Variants in EFR3A observed in about 807,000 individuals in gnomAD.
EFR3A encodes the protein EFR3 homolog A, also known as protein EFR3 homolog A.
EFR3A carries 76 observed loss-of-function variants against 104.4 expected under a neutral mutation model. The ratio of observed to expected loss-of-function variants is 0.73; its 90% CI spans 0.60 to 0.88. EFR3A has a LOEUF of 0.88. EFR3A is among the 40% of genes least tolerant of loss of function. The pLI, the probability that EFR3A is intolerant of heterozygous loss-of-function variation, is 0.00. For synonymous variants in EFR3A, 330 were observed against 330.0 expected (o/e 1.00, Z 0.00); for missense variants, 985 against 1,012.5 (o/e 0.97, Z 0.37).
Position 132,013,502 on chromosome 8 carries a change from TAA to T in EFR3A, c.*2609_*2610del, listed in dbSNP as rs1393667948. 13 of 152,638 alleles carry T rather than the reference TAA, an allele frequency of 8.5e-5. No homozygotes were observed. The East Asian group carries it at 2.1e-3, about 25-fold the overall frequency. 9.5% of individuals were successfully genotyped at this position (152,638 alleles called of 1,614,324 possible). ...GTGCTTATATCTGTATTAAATGCAA[TAA>T]AGTTAGTTTTTGAAATGTAAAAATT... On this transcript the variant is annotated 3_prime_UTR_variant, in exon 23 of 23. Coordinates refer to ENST00000254624, the MANE Select transcript of EFR3A (RefSeq NM_015137.6).
chr8:131,914,308 C>T (rs1816651368), intron 1 of EFR3A, among the ~76,000 whole-genome samples: 1 of 152,224 alleles, frequency 6.6e-6, no homozygotes, highest in African/African-American at 2.4e-5. Flanking sequence ...GTCATGACCC[C>T]TTTTCCCTTG....
chr8:131,967,534 A>C (rs1006299170), intron 8 of EFR3A, among the ~76,000 whole-genome samples: 4 of 151,196 alleles, frequency 2.6e-5, no homozygotes, highest in African/African-American at 9.7e-5. Flanking sequence ...CATGGGTGTA[A>C]GTGTAGGTTT....
chr8:131,923,506 T>C (rs1184924603), intron 1 of EFR3A, among the ~76,000 whole-genome samples: 1 of 151,460 alleles, frequency 6.6e-6, no homozygotes, highest in African/African-American at 2.4e-5. Flanking sequence ...CAGGGTGTTT[T>C]TTTTTTTTTT....
At chr8:131,956,146 T>C (rs1222167394) in intron 7 of EFR3A, among the ~76,000 whole-genome samples, 1 of 152,190 alleles carries the variant, frequency 6.6e-6, no homozygotes, top group African/African-American at 2.4e-5. Context: ...ATCATGTGCA[T>C]TAACTTGAAT....
chr8:131,976,381 C>T (rs1820327843), intron 11 of EFR3A, among the ~76,000 whole-genome samples: 1 of 151,996 alleles, frequency 6.6e-6, no homozygotes, highest in Non-Finnish European at 1.5e-5. Flanking sequence ...AATTGTTTGG[C>T]CTGGACATTG....
intron 18 of EFR3A, among the ~76,000 whole-genome samples, chr8:131,993,609 G>A (rs963172092): frequency 6.6e-6 from 1 of 151,834 alleles, no homozygotes; most frequent in African/African-American, 2.4e-5. Context: ...GAAAGATGGA[G>A]CATAGGCTGG....
intron 22 of EFR3A, among the ~76,000 whole-genome samples, chr8:132,005,908 A>G (rs939476928): frequency 3.3e-5 from 5 of 152,208 alleles, no homozygotes; most frequent in Non-Finnish European, 1.5e-5. Context: ...ATGTTAAGAC[A>G]TCATATTGAG....
intron 1 of EFR3A, among the ~76,000 whole-genome samples, chr8:131,932,380 A>T (rs1817652475): frequency 6.6e-6 from 1 of 152,142 alleles, no homozygotes; most frequent in Admixed American, 6.6e-5. Flanking sequence ...ATATAACAAA[A>T]GCAGTTTTCA....
chr8:132,000,876 A>G (rs1821752972), intron 19 of EFR3A: 1 of 152,154 alleles, frequency 6.6e-6, no homozygotes, highest in Non-Finnish European at 1.5e-5. Flanking sequence ...TTCCAGCTAA[A>G]GCCTTTGTAT....
At chr8:131,994,589 CTA>C (rs201087596) in intron 18 of EFR3A, among the ~76,000 whole-genome samples, 3,434 of 152,150 alleles carry the variant, frequency 0.023, 59 homozygotes, top group Admixed American at 0.054. Context: ...TTAGAAAACT[CTA>C]TTGGTAGTAT....
intron 1 of EFR3A, among the ~76,000 whole-genome samples, 164 bp downstream of exon 1, chr8:131,904,486 G>A (rs1362691329): frequency 6.6e-6 from 1 of 152,366 alleles, no homozygotes; most frequent in East Asian, 1.9e-4. Flanking sequence ...TTAGCCTTCC[G>A]GAGATGGCGT....
At chr8:131,942,605 A>G (rs1057128630) in intron 2 of EFR3A, among the ~76,000 whole-genome samples, 2 of 152,150 alleles carry the variant, frequency 1.3e-5, no homozygotes, top group Non-Finnish European at 2.9e-5. Flanking sequence ...AATGTCTATC[A>G]TTGTGCCTGG....
intron 1 of EFR3A, among the ~76,000 whole-genome samples, chr8:131,934,709 T>C (rs1456100435): frequency 6.6e-6 from 1 of 152,018 alleles, no homozygotes; most frequent in Non-Finnish European, 1.5e-5. Context: ...GCTCTTTGGG[T>C]AGCTCTGTTG....
intron 9 of EFR3A, 52 bp downstream of exon 9, chr8:131,968,482 C>G: frequency 6.4e-7 from 1 of 1,568,626 alleles, no homozygotes; most frequent in South Asian, 1.1e-5. Flanking sequence ...TTCAAAGTGT[C>G]CTTTCAGTAT....
intron 1 of EFR3A, among the ~76,000 whole-genome samples, chr8:131,934,606 A>G (rs1226426341): frequency 6.6e-6 from 1 of 152,148 alleles, no homozygotes; most frequent in Non-Finnish European, 1.5e-5. Context: ...TAACACCTAT[A>G]TTACAGGCTT....
At chr8:132,008,762 C>T (rs1329685270) in intron 22 of EFR3A, among the ~76,000 whole-genome samples, 1 of 138,240 alleles carries the variant, frequency 7.2e-6, no homozygotes, top group African/African-American at 2.7e-5. Flanking sequence ...TTCAGTATCT[C>T]TTGAACCCAG....
intron 18 of EFR3A, among the ~76,000 whole-genome samples, chr8:131,994,528 A>G (rs755219189): frequency 3.3e-5 from 5 of 152,188 alleles, no homozygotes; most frequent in Non-Finnish European, 7.4e-5. Context: ...TGCATTAAGC[A>G]GTGGGCTGCA....
At chr8:131,959,091 AAAGTAT>A (rs1819172377) in intron 7 of EFR3A, among the ~76,000 whole-genome samples, 1 of 152,186 alleles carries the variant, frequency 6.6e-6, no homozygotes, top group South Asian at 2.1e-4. Flanking sequence ...TGCCTAGCAT[AAAGTAT>A]ATTTTCAACA....
chr8:131,979,518 C>G (rs528279220), intron 14 of EFR3A, 97 bp downstream of exon 14: 3 of 898,070 alleles, frequency 3.3e-6, no homozygotes, highest in South Asian at 1.8e-5. Flanking sequence ...GAAATTAAGC[C>G]ATAGAATTTT....
Sources: gnomAD v4.1 joint callset for allele counts (sites outside exome capture counted in the v4.1 genomes callset) on GRCh38, gnomAD v4.1.1 for gene constraint, MANE v1.5 for transcripts, NCBI Gene and HGNC (gene_info 2026-07-23, HGNC 2026-07-21) for gene names.